SDK1: variants seen among roughly 807,000 people sequenced by gnomAD.
The protein encoded by SDK1 is sidekick cell adhesion molecule 1, also known as protein sidekick-1.
A neutral mutation model predicts 245.5 loss-of-function variants in SDK1; 157 were observed. The ratio of observed to expected loss-of-function variants is 0.64; its 90% CI spans 0.56 to 0.73. The LOEUF is 0.73. SDK1 is among the 30% of genes least tolerant of loss of function. The pLI, the probability that SDK1 is intolerant of heterozygous loss-of-function variation, is 0.00. For missense variants in SDK1, 3,583 were observed against 3,002.3 expected, an observed-to-expected ratio of 1.19 and a Z score of -4.52; for synonymous variants, 1,647 against 1,278.5, an observed-to-expected ratio of 1.29 and a Z score of -6.15.
intron 4 of SDK1, among the ~76,000 whole-genome samples, chr7:3,692,857 G>C (rs894483546): frequency 6.6e-6 from 1 of 151,878 alleles, no homozygotes. Context: ...TGGCACCATC[G>C]AGTATTGCAC....
chr7:4,171,745 G>T, intron 32 of SDK1, among the ~76,000 whole-genome samples: 1 of 152,252 alleles, frequency 6.6e-6, no homozygotes, highest in Non-Finnish European at 1.5e-5. Flanking sequence ...GTCCATTTGA[G>T]AATTTGGAGC....
In SDK1 at chr7:4,048,818, CTG is replaced by C. The variant is rs915996913; in HGVS notation, c.2603-527_2603-526del. Reference sequence around the variant, plus strand: ...CTGTTCTGTAAAAGAGAGAAACAAACTGTGGAAAATCCAAAAATGATTGTCCC... The same window carrying C: ...CTGTTCTGTAAAAGAGAGAAACAAACTGGAAAATCCAAAAATGATTGTCCC... On this transcript the variant is annotated intron_variant, in intron 17 of 44. Coordinates refer to ENST00000404826, the MANE Select transcript of SDK1 (RefSeq NM_152744.4). 5.3e-5 allele frequency among the ~76,000 whole-genome samples: 8 copies of C among 152,202 alleles called. 1 individual carries two copies. Among genetic ancestry groups the C allele is most frequent in the Non-Finnish European group, 1.2e-4 (8 of 68,038 alleles).
chr7:3,983,774 A>G (rs761525989), intron 13 of SDK1, among the ~76,000 whole-genome samples: 23 of 152,200 alleles, frequency 1.5e-4, no homozygotes, highest in Non-Finnish European at 3.1e-4. Flanking sequence ...AAACTGGGAA[A>G]AATCAATATT....
chr7:3,762,666 A>G (rs1176336338), intron 4 of SDK1, among the ~76,000 whole-genome samples: 2 of 152,228 alleles, frequency 1.3e-5, no homozygotes, highest in Non-Finnish European at 2.9e-5. Flanking sequence ...TAGCTGTGGC[A>G]TGCAAATATT....
chr7:3,750,523 T>G (rs190163594), intron 4 of SDK1, among the ~76,000 whole-genome samples: 36 of 152,194 alleles, frequency 2.4e-4, no homozygotes, highest in Admixed American at 9.2e-4. Context: ...CGAGAGAGAT[T>G]GAGAGGGATT....
intron 4 of SDK1, among the ~76,000 whole-genome samples, chr7:3,764,351 A>G (rs770146208): frequency 1.3e-5 from 2 of 152,160 alleles, no homozygotes; most frequent in African/African-American, 4.8e-5. Context: ...ATATTTAATC[A>G]TGGCCCTATT....
chr7:3,561,064 C>T (rs1356874647), intron 1 of SDK1, among the ~76,000 whole-genome samples: 1 of 152,098 alleles, frequency 6.6e-6, no homozygotes, highest in Non-Finnish European at 1.5e-5. Flanking sequence ...TATTGAATTT[C>T]TTTCCTTCCC....
chr7:3,861,061 A>G (rs1485282778), intron 5 of SDK1, among the ~76,000 whole-genome samples: 4 of 152,208 alleles, frequency 2.6e-5, no homozygotes, highest in Non-Finnish European at 4.4e-5. Flanking sequence ...CGACACGATT[A>G]TAATGATGAA....
chr7:3,765,395 C>G (rs1259252569), intron 4 of SDK1, among the ~76,000 whole-genome samples: 2 of 152,152 alleles, frequency 1.3e-5, no homozygotes, highest in African/African-American at 2.4e-5. Flanking sequence ...GACTGTTATT[C>G]TCCATCTAAG....
intron 1 of SDK1, among the ~76,000 whole-genome samples, chr7:3,550,924 G>C (rs902309133): frequency 2.0e-5 from 3 of 152,102 alleles, no homozygotes; most frequent in African/African-American, 7.2e-5. Flanking sequence ...CTTTAGTTCA[G>C]ACTTTCTTCT....
intron 4 of SDK1, among the ~76,000 whole-genome samples, chr7:3,779,341 C>T (rs923100859): frequency 2.6e-5 from 4 of 152,052 alleles, no homozygotes; most frequent in African/African-American, 4.8e-5. Context: ...AAGGCAGCTC[C>T]GTCTTTTGCA....
At chr7:3,962,572 G>T in intron 8 of SDK1, 85 bp from the exon 9 acceptor site, 2 of 1,160,212 alleles carry the variant, frequency 1.7e-6, no homozygotes, top group Admixed American at 2.8e-5. Flanking sequence ...TAAAATATTG[G>T]CATTCTAGCC....
chr7:4,138,814 T>C (rs1779267983), intron 28 of SDK1, among the ~76,000 whole-genome samples: 1 of 150,398 alleles, frequency 6.6e-6, no homozygotes, highest in African/African-American at 2.4e-5. Flanking sequence ...GAAAAGAAAA[T>C]TGATGACTAA....
chr7:3,474,122 T>TTTTTGA (rs1781272481), intron 1 of SDK1, among the ~76,000 whole-genome samples: 1 of 116,562 alleles, frequency 8.6e-6, no homozygotes, highest in African/African-American at 3.3e-5. Context: ...TTTTTTTTTT[T>TTTTTGA]GAGACCGTGT....
intron 1 of SDK1, among the ~76,000 whole-genome samples, chr7:3,425,846 T>C (rs1159591788): frequency 6.6e-6 from 1 of 152,136 alleles, no homozygotes; most frequent in East Asian, 1.9e-4. Flanking sequence ...TAGGAGACTT[T>C]CCCTCAGCAA....
intron 4 of SDK1, among the ~76,000 whole-genome samples, chr7:3,779,823 T>G (rs1370962395): frequency 2.0e-5 from 3 of 151,134 alleles, no homozygotes; most frequent in African/African-American, 7.3e-5. Context: ...TCCCAGCTAC[T>G]CGGGAGGCTG....
intron 1 of SDK1, among the ~76,000 whole-genome samples, chr7:3,461,981 A>G (rs1427027447): frequency 2.6e-5 from 4 of 152,182 alleles, no homozygotes; most frequent in Non-Finnish European, 5.9e-5. Context: ...GTATTAAAAA[A>G]GAACCACGAC....
intron 4 of SDK1, among the ~76,000 whole-genome samples, chr7:3,678,457 A>C (rs777884583): frequency 3.9e-5 from 6 of 152,358 alleles, no homozygotes; most frequent in Middle Eastern, 3.4e-3. Context: ...GGAGCTTTGA[A>C]AAATGCTGCA....
chr7:3,843,016 C>G (rs556544858), intron 5 of SDK1, among the ~76,000 whole-genome samples: 2 of 152,084 alleles, frequency 1.3e-5, no homozygotes, highest in Non-Finnish European at 2.9e-5. Flanking sequence ...GCCTAACGCC[C>G]GTCAGTCCGT....
Sources: gnomAD v4.1 joint callset for allele counts (sites outside exome capture counted in the v4.1 genomes callset) on GRCh38, gnomAD v4.1.1 for gene constraint, MANE v1.5 for transcripts, NCBI Gene and HGNC (gene_info 2026-07-23, HGNC 2026-07-21) for gene names.